ZFHX3: variants seen among roughly 807,000 people sequenced by gnomAD.
ZFHX3 encodes the protein zinc finger homeobox 3, also known as zinc finger homeobox protein 3.
Under a neutral mutation model 279.1 loss-of-function variants are expected in ZFHX3, and 42 were observed. That is an observed-to-expected ratio of 0.15 (90% CI 0.12 to 0.19). The LOEUF (loss-of-function observed/expected upper bound fraction) is 0.19, where lower values mean the gene tolerates loss of function less well. ZFHX3 is among the 10% of genes least tolerant of loss of function. ZFHX3 has a pLI of 1.00. For synonymous variants in ZFHX3, 2,293 were observed against 1,957.8 expected (o/e 1.17, Z -4.52); for missense variants, 4,981 against 4,754.0 (o/e 1.05, Z -1.40).
intron 1 of ZFHX3, among the ~76,000 whole-genome samples, chr16:73,783,513 G>T (rs1385745778): frequency 2.0e-5 from 3 of 152,162 alleles, no homozygotes; most frequent in African/African-American, 7.2e-5. Flanking sequence ...AAAATTCGTT[G>T]TTGCTTTTTT....
chr16:73,844,905 T>C (rs546640179), intron 1 of ZFHX3, among the ~76,000 whole-genome samples: 4 of 151,850 alleles, frequency 2.6e-5, no homozygotes, highest in Non-Finnish European at 5.9e-5. Context: ...GATGAATAGA[T>C]GATAGATAGC....
chr16:73,874,582 T>G (rs2029893665), intron 1 of ZFHX3, among the ~76,000 whole-genome samples: 1 of 152,236 alleles, frequency 6.6e-6, no homozygotes, highest in Non-Finnish European at 1.5e-5. Flanking sequence ...CTGTGTTTGT[T>G]TATTCATTAT....
intron 8 of ZFHX3, among the ~76,000 whole-genome samples, chr16:73,084,971 TA>T (rs1309126643): frequency 6.6e-6 from 1 of 152,166 alleles, no homozygotes; most frequent in Non-Finnish European, 1.5e-5. Flanking sequence ...TCAAGAGTAC[TA>T]CCCGAAGCAA....
chr16:73,568,726 C>A (rs2020485402), intron 2 of ZFHX3, among the ~76,000 whole-genome samples: 1 of 152,210 alleles, frequency 6.6e-6, no homozygotes, highest in African/African-American at 2.4e-5. Context: ...CCCCCTCTAG[C>A]CACAGGATCG....
intron 2 of ZFHX3, among the ~76,000 whole-genome samples, chr16:73,573,224 C>T (rs1272096333): frequency 1.3e-5 from 2 of 152,184 alleles, no homozygotes; most frequent in African/African-American, 4.8e-5. Context: ...CACTCCCATG[C>T]TTTCACTCGT....
chr16:73,192,034 T>TG (rs911964514), intron 5 of ZFHX3, among the ~76,000 whole-genome samples: 1 of 152,134 alleles, frequency 6.6e-6, no homozygotes, highest in African/African-American at 2.4e-5. Context: ...GGCTGTGTGG[T>TG]GGGGGGTTCA....
At chr16:73,688,099 G>A (rs1166203614) in intron 1 of ZFHX3, among the ~76,000 whole-genome samples, 1 of 152,054 alleles carries the variant, frequency 6.6e-6, no homozygotes, top group African/African-American at 2.4e-5. Flanking sequence ...GCTCATGCCT[G>A]TAATCCCAGC....
chr16:73,638,867 G>A (rs988481876), intron 2 of ZFHX3, among the ~76,000 whole-genome samples: 1 of 152,140 alleles, frequency 6.6e-6, no homozygotes, highest in Non-Finnish European at 1.5e-5. Context: ...CAAAACACTA[G>A]TCTAAAAATG....
intron 8 of ZFHX3, among the ~76,000 whole-genome samples, chr16:73,066,126 C>T (rs1033813603): frequency 1.3e-5 from 2 of 152,210 alleles, no homozygotes; most frequent in African/African-American, 4.8e-5. Flanking sequence ...GGGCACTGGT[C>T]CCCTGTGGAC....
chr16:73,483,351 A>AAGAGAG (rs3087036), intron 2 of ZFHX3: 33 of 434,760 alleles, frequency 7.6e-5, no homozygotes, highest in Middle Eastern at 3.9e-4. Flanking sequence ...GAGAGAGAGA[A>AAGAGAG]AGAGAGAGAG....
chr16:73,276,346 C>T (rs916688011), intron 4 of ZFHX3, among the ~76,000 whole-genome samples: 1 of 151,784 alleles, frequency 6.6e-6, no homozygotes, highest in African/African-American at 2.4e-5. Context: ...ACCAGACTGG[C>T]TAATTTTTGG....
intron 2 of ZFHX3, among the ~76,000 whole-genome samples, chr16:73,514,661 C>T (rs1597365961): frequency 6.6e-6 from 1 of 152,192 alleles, no homozygotes; most frequent in Non-Finnish European, 1.5e-5. Flanking sequence ...AAGTGACGAG[C>T]TGAAGCTCAA....
chr16:72,794,253 A>ATCCCT lies in ZFHX3; in HGVS notation c.8424_8428dup (p.Ile2810LysfsTer16). On this transcript the variant is annotated frameshift_variant, in exon 9 of 10. Transcript: ENST00000268489. LOFTEE classifies it high-confidence loss of function. This position sits in a 1 kb window ranked among gnomAD's most constrained non-coding sequence, Gnocchi z 4.2. ...CATGGAGGGGCTTTCAAAGTCTTCA[A>ATCCCT]TCCCTTCCACCTTAATGGAGGAAGG... 6.2e-7 allele frequency: 1 copy of ATCCCT among 1,614,212 alleles called. No individual in the cohort carries two copies. The highest frequency in any genetic ancestry group is 8.5e-7 in the Non-Finnish European group (1 of 1,180,030).
chr16:73,651,998 C>A (rs941811481), intron 2 of ZFHX3, among the ~76,000 whole-genome samples: 1 of 152,050 alleles, frequency 6.6e-6, no homozygotes, highest in Non-Finnish European at 1.5e-5. Context: ...GAGAAAACAT[C>A]TTTTAAGAGT....
chr16:73,585,617 A>T (rs1567525843), intron 2 of ZFHX3, among the ~76,000 whole-genome samples: 1 of 152,208 alleles, frequency 6.6e-6, no homozygotes, highest in Non-Finnish European at 1.5e-5. Flanking sequence ...AAAACAAAAC[A>T]AAAAACAGCA....
chr16:73,875,378 G>A (rs914303625), intron 1 of ZFHX3, among the ~76,000 whole-genome samples: 8 of 152,048 alleles, frequency 5.3e-5, no homozygotes, highest in African/African-American at 1.9e-4. Flanking sequence ...CAGTTACAAG[G>A]TTTTGCTGAT....
intron 7 of ZFHX3, among the ~76,000 whole-genome samples, chr16:72,801,358 A>AAAT (rs1399694750): frequency 1.3e-5 from 2 of 152,236 alleles, no homozygotes; most frequent in Non-Finnish European, 2.9e-5. Flanking sequence ...GTTCAAAATT[A>AAAT]AATAATATTT....
chr16:72,885,701 G>A (rs1344547992), intron 4 of ZFHX3, among the ~76,000 whole-genome samples: 1 of 152,182 alleles, frequency 6.6e-6, no homozygotes, highest in Non-Finnish European at 1.5e-5. Context: ...AAAGGACAAG[G>A]GGTTATTTCT....
intron 2 of ZFHX3, among the ~76,000 whole-genome samples, chr16:73,615,112 A>G (rs2052286510): frequency 6.6e-6 from 1 of 151,846 alleles, no homozygotes; most frequent in African/African-American, 2.4e-5. Flanking sequence ...AAATTTCACT[A>G]AACAACATGT....
Sources: allele counts gnomAD v4.1 joint callset (sites outside exome capture counted in the v4.1 genomes callset), GRCh38; gene constraint gnomAD v4.1.1; non-coding constraint Gnocchi (gnomAD v3.1); transcripts MANE v1.5; gene names NCBI Gene and HGNC (gene_info 2026-07-23, HGNC 2026-07-21).